The following TRPM5 variants were observed in gnomAD, a reference collection of about 807,000 sequenced individuals.
TRPM5 encodes MLSN1 and TRP-related.
A neutral mutation model predicts 124.9 loss-of-function variants in TRPM5; 121 were observed. The observed-to-expected ratio is 0.97, with a 90% confidence interval of 0.84 to 1.13. The LOEUF (loss-of-function observed/expected upper bound fraction) is 1.13, where lower values mean the gene tolerates loss of function less well. Among genes scored for constraint, TRPM5 ranks in the 50% most tolerant of loss-of-function variants. The pLI, the probability that TRPM5 is intolerant of heterozygous loss-of-function variation, is 0.00. For synonymous variants in TRPM5, 781 were observed against 700.5 expected, an observed-to-expected ratio of 1.11 and a Z score of -1.81; for missense variants, 1,643 against 1,589.1, an observed-to-expected ratio of 1.03 and a Z score of -0.58.
rs539138026 is a variant in TRPM5 at position 2,414,679 on chromosome 11, C to T, written c.1744+36G>A. The T allele has an allele frequency of 7.7e-5, 110 of 1,435,812 alleles. No individual in the cohort carries two copies. The African/African-American group carries it at 8.2e-4, about 11-fold the overall frequency. The allele number at this position is 1,435,812 out of a possible 1,614,324, so 88.9% of individuals were successfully genotyped here. ...CCGACCCCTCCGTCACATCCTCCCCCGCGCGCGGGCCCGGCCCCAGCCGCC... is the reference window on the plus strand; with the variant it reads ...CCGACCCCTCCGTCACATCCTCCCCTGCGCGCGGGCCCGGCCCCAGCCGCC... On this transcript the variant is annotated intron_variant, in intron 11 of 23. Transcript: ENST00000155858.
At chr11:2,428,597 G>A in the TRPM5 span, among the ~76,000 whole-genome samples, 1 of 150,496 alleles carries the variant, frequency 6.6e-6, no homozygotes, top group Non-Finnish European at 1.5e-5. The surrounding 1 kb of genome is among the most constrained non-coding windows in gnomAD (Gnocchi z 4.0). Flanking sequence ...GTGGGCATGA[G>A]GGTAGTTGGG....
intron 21 of TRPM5, 97 bp downstream of exon 26, chr11:2,406,564 A>C (rs1292451046): frequency 1.4e-6 from 2 of 1,473,838 alleles, no homozygotes; most frequent in African/African-American, 1.4e-5. Context: ...CTTCAGCTTC[A>C]GTTCGCCAGC....
chr11:2,407,339 C>G, intron 19 of TRPM5, 39 bp from the exon 25 acceptor site: 2 of 1,577,166 alleles, frequency 1.3e-6, no homozygotes, highest in Non-Finnish European at 1.7e-6. Context: ...ACCGGCTCCC[C>G]ACGACCACTT....
chr11:2,405,993 G>A (rs374326543), intron 22 of TRPM5, 26 bp downstream of exon 27: 31 of 1,600,882 alleles, frequency 1.9e-5, no homozygotes, highest in Non-Finnish European at 2.4e-5. Flanking sequence ...CTCCCATCAG[G>A]GAGAGGAGCT....
At chr11:2,436,107 C>T in the TRPM5 span, among the ~76,000 whole-genome samples, 3,373 of 152,338 alleles carry the variant, frequency 0.022, 59 homozygotes, top group Non-Finnish European at 0.036. Flanking sequence ...GCTGGGAATT[C>T]AGTAGGTGCC....
the TRPM5 span, among the ~76,000 whole-genome samples, chr11:2,439,325 G>T: frequency 6.6e-6 from 1 of 152,160 alleles, no homozygotes; most frequent in African/African-American, 2.4e-5. Flanking sequence ...ACATTGACAA[G>T]TGGGACCTAA....
intron 2 of TRPM5, among the ~76,000 whole-genome samples, chr11:2,421,488 G>C (rs775878697): frequency 2.6e-5 from 4 of 152,180 alleles, no homozygotes; most frequent in Non-Finnish European, 5.9e-5. Flanking sequence ...GCTCCCTCCG[G>C]GACACATCCG....
chr11:2,423,928 T>C (rs571586974), upstream of TRPM5, among the ~76,000 whole-genome samples: 9 of 152,324 alleles, frequency 5.9e-5, no homozygotes, highest in South Asian at 8.3e-4. Context: ...CTCCCTCCGA[T>C]TGCTCCTCTG....
At chr11:2,429,222 C>A in the TRPM5 span, among the ~76,000 whole-genome samples, 1 of 147,650 alleles carries the variant, frequency 6.8e-6, no homozygotes, top group Non-Finnish European at 1.5e-5. This position sits in a 1 kb window ranked among gnomAD's most constrained non-coding sequence, Gnocchi z 8.4. Context: ...TAGTGATGAT[C>A]ATGGTGGTGG....
At chr11:2,435,302 G>C in the TRPM5 span, among the ~76,000 whole-genome samples, 1 of 152,094 alleles carries the variant, frequency 6.6e-6, no homozygotes, top group African/African-American at 2.4e-5. This position sits in a 1 kb window ranked among gnomAD's most constrained non-coding sequence, Gnocchi z 4.1. Context: ...TCATGGAGAG[G>C]CTGCCATCTG....
the TRPM5 span, among the ~76,000 whole-genome samples, chr11:2,428,832 T>C: frequency 6.6e-6 from 1 of 151,126 alleles, no homozygotes; most frequent in Non-Finnish European, 1.5e-5. The surrounding 1 kb of genome is among the most constrained non-coding windows in gnomAD (Gnocchi z 4.0). Flanking sequence ...ATGGTGGTGA[T>C]GGTGGTTATT....
chr11:2,422,335 C>A lies in TRPM5; in HGVS notation c.118-14G>T. ...CACCCGTACAAACTGCAAGGCAGGT[C>A]TGCAGCTCAGGGCTTTCGGGGCACG... On this transcript the variant is annotated splice_polypyrimidine_tract_variant and intron_variant, in intron 1 of 23. Transcript: ENST00000155858. 2 of 1,602,218 alleles carry A rather than the reference C, an allele frequency of 1.2e-6. No individual in the cohort carries two copies. Among genetic ancestry groups the A allele is most frequent in the Non-Finnish European group, 1.7e-6 (2 of 1,174,302 alleles).
chr11:2,406,224 G>T lies in TRPM5; in HGVS notation c.3252-133C>A, dbSNP rs1425026485. 3.3e-5 allele frequency: 30 copies of T among 917,858 alleles called. No homozygotes were observed. In the Admixed American group the frequency reaches 5.5e-4, roughly 17 times the overall value. 56.9% of individuals were successfully genotyped at this position (917,858 alleles called of 1,614,324 possible). On this transcript the variant is annotated intron_variant, in intron 21 of 23. Transcript: ENST00000155858. The stretch of plus-strand genomic sequence containing the variant: ...CTGGCCCTTTCCCTTCCTCCCTCAT[G>T]CCCAGATCTGGTGGCACCAGGACCC...
intron 18 of TRPM5, among the ~76,000 whole-genome samples, chr11:2,409,223 C>G (rs1850391231): frequency 6.6e-6 from 1 of 152,192 alleles, no homozygotes; most frequent in Non-Finnish European, 1.5e-5. Flanking sequence ...AGGCCTGCCC[C>G]TCCTCTGTCC....
At chr11:2,412,795 A>G in exon 15 of TRPM5, 1 of 1,608,438 alleles carries the variant, frequency 6.2e-7, no homozygotes, top group South Asian at 1.1e-5. Flanking sequence ...ACCCAGAAGT[A>G]GAGGGTGACC....
downstream of TRPM5, among the ~76,000 whole-genome samples, chr11:2,404,029 C>T (rs991741282): frequency 6.6e-6 from 1 of 152,186 alleles, no homozygotes; most frequent in Admixed American, 6.5e-5. Flanking sequence ...GAATTGGAAA[C>T]CCCAGGCCTC....
upstream of TRPM5, among the ~76,000 whole-genome samples, chr11:2,427,497 C>T (rs1845848758): frequency 6.6e-6 from 1 of 152,208 alleles, no homozygotes; most frequent in Admixed American, 6.5e-5. Context: ...GGGAGCTGGC[C>T]ATGAACCAAC....
chr11:2,424,059 G>A (rs80289525), upstream of TRPM5, among the ~76,000 whole-genome samples: 404 of 152,316 alleles, frequency 2.7e-3, 6 homozygotes, highest in East Asian at 0.027. Flanking sequence ...AGAGGTCTCC[G>A]TGGGCCCCCA....
chr11:2,415,503 G>A (rs11605072), intron 8 of TRPM5, 32 bp from the exon 14 acceptor site: 319,974 of 1,431,928 alleles, frequency 0.22, 36,983 homozygotes, highest in Middle Eastern at 0.33. Flanking sequence ...AGGGAAGGGG[G>A]ACAAGAGAGT....
Sources: gnomAD v4.1 joint callset for allele counts (sites outside exome capture counted in the v4.1 genomes callset) on GRCh38, gnomAD v4.1.1 for gene constraint, Gnocchi (gnomAD v3.1) non-coding constraint, MANE v1.5 for transcripts, NCBI Gene and HGNC (gene_info 2026-07-23, HGNC 2026-07-21) for gene names.